ADCY2: variants seen among roughly 807,000 people sequenced by gnomAD.
The protein encoded by ADCY2 is adenylate cyclase 2.
Under a neutral mutation model 125.2 loss-of-function variants are expected in ADCY2, and 31 were observed. The ratio of observed to expected loss-of-function variants is 0.25; its 90% CI spans 0.19 to 0.33. The LOEUF (loss-of-function observed/expected upper bound fraction) is 0.33. ADCY2 is among the 10% of genes least tolerant of loss of function. The pLI, the probability that ADCY2 is intolerant of heterozygous loss-of-function variation, is 1.00. For synonymous variants in ADCY2, 512 were observed against 548.4 expected (o/e 0.93, Z 0.93); for missense variants, 904 against 1,418.2 (o/e 0.64, Z 5.82).
At chr5:7,772,088 A>G (rs1743573823) in intron 17 of ADCY2, among the ~76,000 whole-genome samples, 1 of 152,164 alleles carries the variant, frequency 6.6e-6, no homozygotes, top group South Asian at 2.1e-4. Context: ...AATGACCTAC[A>G]AGGAGAATAT....
intron 4 of ADCY2, 66 bp downstream of exon 4, chr5:7,626,382 A>G: frequency 5.2e-6 from 8 of 1,544,682 alleles, no homozygotes; most frequent in Admixed American, 1.8e-5. Context: ...TGTTACTATT[A>G]ATGTTGAGTG....
chr5:7,815,579 TA>T (rs1745084192), intron 22 of ADCY2, among the ~76,000 whole-genome samples: 1 of 152,212 alleles, frequency 6.6e-6, no homozygotes, highest in Non-Finnish European at 1.5e-5. Flanking sequence ...TAGAAACTTT[TA>T]AAAAGGTGAA....
intron 17 of ADCY2, among the ~76,000 whole-genome samples, chr5:7,769,744 T>A (rs1420611041): frequency 6.6e-6 from 1 of 152,164 alleles, no homozygotes; most frequent in Non-Finnish European, 1.5e-5. Context: ...TAGATATTAT[T>A]GGGATTCTCG....
At chr5:7,425,290 A>G (rs1383695691) in intron 2 of ADCY2, among the ~76,000 whole-genome samples, 1 of 152,196 alleles carries the variant, frequency 6.6e-6, no homozygotes, top group Non-Finnish European at 1.5e-5. Flanking sequence ...CTTAGTTTCA[A>G]TGGAGGTGTT....
At chr5:7,724,946 C>A (rs1036604548) in intron 13 of ADCY2, among the ~76,000 whole-genome samples, 2 of 152,102 alleles carry the variant, frequency 1.3e-5, no homozygotes, top group African/African-American at 4.8e-5. Flanking sequence ...TTAAAAAAAA[C>A]AGAATTCTTC....
At chr5:7,453,815 C>T (rs1437378784) in intron 2 of ADCY2, among the ~76,000 whole-genome samples, 1 of 151,908 alleles carries the variant, frequency 6.6e-6, no homozygotes, top group Non-Finnish European at 1.5e-5. Context: ...GTGTGTTTAC[C>T]GGAGTTGTAC....
chr5:7,627,917 T>A (rs190446119), intron 4 of ADCY2, among the ~76,000 whole-genome samples: 88 of 152,324 alleles, frequency 5.8e-4, no homozygotes, highest in Admixed American at 2.7e-3. Context: ...AAAAAATACA[T>A]TTTGTCTTAC....
At chr5:7,554,759 T>C (rs907728414) in intron 3 of ADCY2, among the ~76,000 whole-genome samples, 7 of 152,232 alleles carry the variant, frequency 4.6e-5, no homozygotes, top group African/African-American at 1.7e-4. Flanking sequence ...CTGGAGCACA[T>C]GGTTCATGAT....
intron 4 of ADCY2, among the ~76,000 whole-genome samples, chr5:7,643,987 A>G (rs1738801206): frequency 6.6e-6 from 1 of 151,954 alleles, no homozygotes; most frequent in African/African-American, 2.4e-5. Context: ...TTTTTATTAA[A>G]TGGCTCCAAT....
chr5:7,447,934 G>A (rs1741331504), intron 2 of ADCY2, among the ~76,000 whole-genome samples: 1 of 152,214 alleles, frequency 6.6e-6, no homozygotes. Flanking sequence ...AGGACCTGGG[G>A]CTTCCTACCG....
intron 2 of ADCY2, among the ~76,000 whole-genome samples, chr5:7,511,278 A>T (rs1291316281): frequency 6.6e-6 from 1 of 152,212 alleles, no homozygotes; most frequent in East Asian, 1.9e-4. Flanking sequence ...TGCAATAATG[A>T]TATAAAGAAT....
chr5:7,763,888 C>T (rs559762612), intron 16 of ADCY2, among the ~76,000 whole-genome samples: 5 of 152,258 alleles, frequency 3.3e-5, no homozygotes, highest in Admixed American at 3.3e-4. Flanking sequence ...TAACATGTGA[C>T]GGCTTGAGGC....
At chr5:7,553,626 C>G (rs1326595735) in intron 3 of ADCY2, among the ~76,000 whole-genome samples, 1 of 152,196 alleles carries the variant, frequency 6.6e-6, no homozygotes, top group Non-Finnish European at 1.5e-5. Flanking sequence ...ATCACCAAGA[C>G]CCTGCAGACA....
intron 2 of ADCY2, among the ~76,000 whole-genome samples, chr5:7,479,329 A>G (rs865808311): frequency 3.3e-5 from 5 of 152,030 alleles, no homozygotes; most frequent in South Asian, 4.1e-4. Flanking sequence ...ATTTACTCAA[A>G]TGTAAGAAGA....
At chr5:7,549,716 G>A (rs10068564) in intron 3 of ADCY2, among the ~76,000 whole-genome samples, 3,011 of 152,210 alleles carry the variant, frequency 0.02, 97 homozygotes, top group African/African-American at 0.069. Flanking sequence ...CTACGAAGTA[G>A]CCCGGATATT....
intron 3 of ADCY2, 143 bp from the exon 4 acceptor site, chr5:7,626,024 A>G (rs1579249055): frequency 1.0e-6 from 1 of 962,960 alleles, no homozygotes; most frequent in East Asian, 2.5e-5. Flanking sequence ...TTAAGCAAAT[A>G]AAAATGTTAC....
At chr5:7,472,446 T>G (rs1467187467) in intron 2 of ADCY2, among the ~76,000 whole-genome samples, 1 of 152,188 alleles carries the variant, frequency 6.6e-6, no homozygotes, top group African/African-American at 2.4e-5. Flanking sequence ...TTTAATATAT[T>G]AATCATAGAC....
At chr5:7,519,487 ATTCCCTATT>A (rs1744367416) in intron 2 of ADCY2, among the ~76,000 whole-genome samples, 1 of 152,158 alleles carries the variant, frequency 6.6e-6, no homozygotes, top group South Asian at 2.1e-4. Flanking sequence ...CACATGTCCC[ATTCCCTATT>A]TCCCTGACCT....
At chr5:7,501,769 G>A (rs1392397364) in intron 2 of ADCY2, among the ~76,000 whole-genome samples, 1 of 150,356 alleles carries the variant, frequency 6.7e-6, no homozygotes, top group African/African-American at 2.4e-5. Context: ...CTTCAGCCTT[G>A]GTTGGCCTGG....
Sources: allele counts gnomAD v4.1 joint callset (sites outside exome capture counted in the v4.1 genomes callset), GRCh38; gene constraint gnomAD v4.1.1; transcripts MANE v1.5; gene names NCBI Gene and HGNC (gene_info 2026-07-23, HGNC 2026-07-21).